Variants in CRB1 observed in about 807,000 individuals in gnomAD.
The protein encoded by CRB1 is protein crumbs homolog 1.
Under a neutral mutation model 120.0 loss-of-function variants are expected in CRB1, and 83 were observed. The ratio of observed to expected loss-of-function variants is 0.69; its 90% CI spans 0.58 to 0.83. The LOEUF is 0.83. Ranked by LOEUF, CRB1 falls within the 40% of genes least tolerant of loss-of-function variation. The pLI, the probability that CRB1 is intolerant of heterozygous loss-of-function variation, is 0.00. For synonymous variants in CRB1, 625 were observed against 612.5 expected (o/e 1.02, Z -0.30); for missense variants, 1,699 against 1,687.6 (o/e 1.01, Z -0.12).
intron 11 of CRB1, 87 bp downstream of exon 11, chr1:197,442,379 C>T (rs763861253): frequency 2.1e-5 from 33 of 1,608,472 alleles, no homozygotes; most frequent in East Asian, 8.9e-5. Flanking sequence ...GTATGAATGA[C>T]GAGCCAGTTG....
chr1:197,384,208 T>C (rs1662098939), intron 5 of CRB1, among the ~76,000 whole-genome samples: 1 of 152,066 alleles, frequency 6.6e-6, no homozygotes, highest in Non-Finnish European at 1.5e-5. Context: ...ATCCCAAATC[T>C]CACAAATGAG....
chr1:197,251,189 C>T, the CRB1 span, among the ~76,000 whole-genome samples: 1 of 151,996 alleles, frequency 6.6e-6, no homozygotes, highest in African/African-American at 2.4e-5. Flanking sequence ...GTTCAATTTG[C>T]TTAACTTCTC....
chr1:197,344,253 G>GT (rs1291612400), intron 2 of CRB1, 28 bp from the exon 3 acceptor site: 2 of 1,611,350 alleles, frequency 1.2e-6, no homozygotes, highest in East Asian at 2.2e-5. Context: ...AACTTTTTCT[G>GT]TTTTTTCTGT....
intron 1 of CRB1, among the ~76,000 whole-genome samples, chr1:197,275,918 C>T (rs1319288598): frequency 6.6e-6 from 1 of 150,958 alleles, no homozygotes; most frequent in Admixed American, 6.7e-5. Context: ...ATATTTTTGA[C>T]TTAACAATAA....
chr1:197,363,800 GA>G, intron 5 of CRB1: 1 of 743,328 alleles, frequency 1.3e-6, no homozygotes. Context: ...GCAGAATGGA[GA>G]TTTAAACCCA....
intron 5 of CRB1, among the ~76,000 whole-genome samples, chr1:197,400,528 A>G (rs1321710043): frequency 1.3e-5 from 2 of 151,984 alleles, no homozygotes; most frequent in South Asian, 4.2e-4. Context: ...ACATTTTAAA[A>G]ACAGAAACTA....
intron 11 of CRB1, among the ~76,000 whole-genome samples, chr1:197,452,218 A>C (rs1447508185): frequency 2.0e-5 from 3 of 152,168 alleles, no homozygotes; most frequent in South Asian, 4.1e-4. Context: ...ACGACGAAGG[A>C]AATTCCCTAT....
At chr1:197,377,459 T>C (rs1034596555) in intron 5 of CRB1, among the ~76,000 whole-genome samples, 1 of 152,216 alleles carries the variant, frequency 6.6e-6, no homozygotes, top group African/African-American at 2.4e-5. Context: ...AGGTAAAGTT[T>C]TGCCCTTAGC....
chr1:197,429,544 G>T lies in CRB1; in HGVS notation c.2772G>T (p.Glu924Asp), dbSNP rs1664772199. 6.2e-7 allele frequency: 1 copy of T among 1,614,048 alleles called. No homozygotes were observed. Among genetic ancestry groups the T allele is most frequent in the East Asian group, 2.2e-5 (1 of 44,862 alleles). ...PALTSGKACE[E>D]VQWCGFSPCP... ...TCACAAGTGGGAAAGCCTGTGAGGA[G>T]GTTCAGTGGTGTGGATTCAGCCCGT... Residue 924 changes from glutamate to aspartate, a missense_variant, in exon 8 of 12, where the codon GAG (glutamate) becomes GAT (aspartate). Physicochemically the swap from Glu to Asp is conservative, Grantham distance 45. Coordinates refer to ENST00000367400, the MANE Select transcript of CRB1 (RefSeq NM_201253.3).
chr1:197,248,598 A>T, the CRB1 span, among the ~76,000 whole-genome samples: 3 of 151,992 alleles, frequency 2.0e-5, no homozygotes, highest in Non-Finnish European at 4.4e-5. Flanking sequence ...TCTGTTTATT[A>T]TAACAAAAAC....
chr1:197,252,570 ATATATATATATATG>A, the CRB1 span, among the ~76,000 whole-genome samples: 82 of 48,626 alleles, frequency 1.7e-3, no homozygotes, highest in African/African-American at 4.7e-3. Flanking sequence ...ATATATATAT[ATATATATATATATG>A]TGTGTGTGTG....
chr1:197,363,135 GTT>G lies in CRB1; in HGVS notation c.1171+6133_1171+6134del, dbSNP rs34995320. Among the ~76,000 whole-genome samples the G allele has an allele frequency of 1.9e-3, 275 of 146,084 alleles. 1 individual carries two copies. The highest frequency in any genetic ancestry group is 5.5e-3 in the Admixed American group (81 of 14,760). On this transcript the variant is annotated intron_variant, in intron 5 of 11. Transcript: ENST00000367400. ...GTATAGGAATTTCACTTCTATTTAG[GTT>G]TTTTTTTTTTGCCTTCTTCACTTTA...
chr1:197,236,600 C>T, the CRB1 span, among the ~76,000 whole-genome samples: 1 of 152,162 alleles, frequency 6.6e-6, no homozygotes, highest in African/African-American at 2.4e-5. Context: ...TTTCCCTAAT[C>T]TTAGGATGAA....
chr1:197,281,935 G>T (rs544580578), intron 1 of CRB1, among the ~76,000 whole-genome samples: 4 of 151,566 alleles, frequency 2.6e-5, no homozygotes, highest in African/African-American at 9.7e-5. Flanking sequence ...GTTCAAAGGG[G>T]AGACCCAGTT....
At chr1:197,472,042 A>C (rs146065288) in intron 11 of CRB1, among the ~76,000 whole-genome samples, 2 of 152,354 alleles carry the variant, frequency 1.3e-5, no homozygotes, top group African/African-American at 4.8e-5. Context: ...ATGTGTTTAA[A>C]ATAATTTTTC....
At chr1:197,214,449 G>T in the CRB1 span, among the ~76,000 whole-genome samples, 1 of 152,108 alleles carries the variant, frequency 6.6e-6, no homozygotes, top group Non-Finnish European at 1.5e-5. Flanking sequence ...AAGTTCCACA[G>T]GGCCTACTCT....
chr1:197,459,842 G>A (rs903093187), intron 11 of CRB1, among the ~76,000 whole-genome samples: 4 of 152,000 alleles, frequency 2.6e-5, no homozygotes, highest in African/African-American at 4.8e-5. Flanking sequence ...ATAATGTTAT[G>A]TAGACAGAAA....
At chr1:197,315,674 T>G (rs1189901473) in intron 1 of CRB1, among the ~76,000 whole-genome samples, 1 of 152,174 alleles carries the variant, frequency 6.6e-6, no homozygotes, top group African/African-American at 2.4e-5. Context: ...TTCCACATAT[T>G]TGTTTAGACT....
intron 5 of CRB1, among the ~76,000 whole-genome samples, chr1:197,376,447 G>A (rs899037131): frequency 6.6e-6 from 1 of 151,752 alleles, no homozygotes; most frequent in Admixed American, 6.6e-5. Context: ...TTCACAAAAC[G>A]ACAAAAACAC....
Sources: allele counts gnomAD v4.1 joint callset (sites outside exome capture counted in the v4.1 genomes callset), GRCh38; gene constraint gnomAD v4.1.1; transcripts MANE v1.5; gene names NCBI Gene and HGNC (gene_info 2026-07-23, HGNC 2026-07-21).